Variants in NWD2 observed in about 807,000 individuals in gnomAD.
The protein encoded by NWD2 is NACHT and WD repeat domain-containing protein 2.
A neutral mutation model predicts 132.7 loss-of-function variants in NWD2; 37 were observed. The ratio of observed to expected loss-of-function variants is 0.28; its 90% CI spans 0.21 to 0.37. NWD2 has a LOEUF of 0.37. Ranked by LOEUF, NWD2 falls within the 10% of genes least tolerant of loss-of-function variation. NWD2 has a pLI of 1.00. For missense variants in NWD2, 1,592 were observed against 2,122.4 expected, an observed-to-expected ratio of 0.75 and a Z score of 4.91; for synonymous variants, 705 against 803.0, an observed-to-expected ratio of 0.88 and a Z score of 2.06.
At chr4:37,388,571 T>C (rs971777330) in intron 3 of NWD2, among the ~76,000 whole-genome samples, 2 of 151,022 alleles carry the variant, frequency 1.3e-5, no homozygotes, top group East Asian at 1.9e-4. Context: ...GTGGAAAATA[T>C]ATATTTTTAT....
intron 3 of NWD2, among the ~76,000 whole-genome samples, chr4:37,373,600 T>C (rs1433623073): frequency 2.0e-5 from 3 of 152,240 alleles, no homozygotes; most frequent in African/African-American, 7.2e-5. Context: ...GCCTCATCAC[T>C]GGAAATGTTT....
chr4:37,252,827 TG>T (rs1717405567), intron 1 of NWD2, among the ~76,000 whole-genome samples: 1 of 152,238 alleles, frequency 6.6e-6, no homozygotes, highest in Non-Finnish European at 1.5e-5. Context: ...TCTTAAGGCC[TG>T]GGCTTGGAAG....
intron 4 of NWD2, 77 bp from the exon 5 acceptor site, chr4:37,433,799 T>C (rs925498343): frequency 8.2e-7 from 1 of 1,217,166 alleles, no homozygotes; most frequent in African/African-American, 1.5e-5. Flanking sequence ...CTTCAAATAA[T>C]AGAAATTTTC....
chr4:37,280,373 A>G lies in NWD2; in HGVS notation c.151+35155A>G, dbSNP rs140797087. 2.3e-3 allele frequency among the ~76,000 whole-genome samples: 343 copies of G among 152,240 alleles called. 2 individuals carry two copies. Among genetic ancestry groups the G allele is most frequent in the African/African-American group, 7.7e-3 (320 of 41,552 alleles). On this transcript the variant is annotated intron_variant, in intron 1 of 6. Transcript: ENST00000309447. ...GTTACAAGGTGGGAACCAGCCCTGC[A>G]CTGGAGGTCATCCCATGGCAGGATG...
chr4:37,387,595 G>C (rs1340113353), intron 3 of NWD2, among the ~76,000 whole-genome samples: 1 of 150,750 alleles, frequency 6.6e-6, no homozygotes, highest in Non-Finnish European at 1.5e-5. Context: ...GCCTCCCCTA[G>C]AGATTCCTCA....
chr4:37,299,300 G>A (rs1477786238), intron 1 of NWD2, among the ~76,000 whole-genome samples: 1 of 152,086 alleles, frequency 6.6e-6, no homozygotes, highest in African/African-American at 2.4e-5. Context: ...AAGACCATCA[G>A]TAATTTGATC....
intron 2 of NWD2, among the ~76,000 whole-genome samples, chr4:37,338,727 A>G (rs1719461285): frequency 6.6e-6 from 1 of 152,204 alleles, no homozygotes; most frequent in African/African-American, 2.4e-5. Flanking sequence ...GTCTGTTGTC[A>G]GTTGTAACAC....
intron 2 of NWD2, among the ~76,000 whole-genome samples, chr4:37,346,300 C>T (rs1164894870): frequency 1.3e-5 from 2 of 152,126 alleles, no homozygotes; most frequent in Non-Finnish European, 2.9e-5. Flanking sequence ...TTTTAGTACC[C>T]TTATTGAAAA....
chr4:37,361,748 C>T (rs566218778), intron 3 of NWD2, among the ~76,000 whole-genome samples: 5 of 152,158 alleles, frequency 3.3e-5, no homozygotes, highest in Admixed American at 6.5e-5. Flanking sequence ...AAGCATTCCC[C>T]TTGAGGACTG....
intron 3 of NWD2, among the ~76,000 whole-genome samples, chr4:37,427,282 A>G (rs1712033491): frequency 1.3e-5 from 2 of 152,332 alleles, no homozygotes; most frequent in South Asian, 4.1e-4. Flanking sequence ...TTAGTGGCAC[A>G]CAACCCTGAC....
chr4:37,336,834 G>A (rs1057448701), intron 2 of NWD2, among the ~76,000 whole-genome samples: 12 of 151,608 alleles, frequency 7.9e-5, no homozygotes, highest in African/African-American at 2.7e-4. Context: ...AGCTACTCGG[G>A]AGGCTGAGGC....
chr4:37,270,710 T>A (rs537926177), intron 1 of NWD2, among the ~76,000 whole-genome samples: 1 of 152,006 alleles, frequency 6.6e-6, no homozygotes, highest in South Asian at 2.1e-4. Flanking sequence ...CACAGTCTGG[T>A]ACATATCCCT....
chr4:37,438,589 A>T (rs796987591), intron 5 of NWD2, among the ~76,000 whole-genome samples: 3 of 152,192 alleles, frequency 2.0e-5, no homozygotes, highest in South Asian at 4.1e-4. Context: ...TTGGGGAGAA[A>T]ATTAGATAAT....
chr4:37,251,266 C>T (rs901525658), intron 1 of NWD2, among the ~76,000 whole-genome samples: 3 of 152,194 alleles, frequency 2.0e-5, no homozygotes, highest in African/African-American at 7.2e-5. Context: ...GTGACAGAGA[C>T]TCCATCTCAA....
In NWD2 at chr4:37,447,484, G is replaced by A; in HGVS notation, c.*267G>A. The A allele has an allele frequency of 4.3e-6, 2 of 463,526 alleles. No homozygotes were observed. The highest frequency in any genetic ancestry group is 5.2e-5 in the South Asian group (2 of 38,766). The allele number at this position is 463,526 out of a possible 1,614,324, so 28.7% of individuals were successfully genotyped here. On this transcript the variant is annotated 3_prime_UTR_variant, in exon 7 of 7. Transcript: ENST00000309447. ...GCAGAGGCTAAAAGTTTTTAAATTA[G>A]CTGTGTGGTGAGGCAGCATAATACA...
At chr4:37,420,382 G>T (rs114218281) in intron 3 of NWD2, among the ~76,000 whole-genome samples, 2,285 of 152,260 alleles carry the variant, frequency 0.015, 58 homozygotes, top group African/African-American at 0.052. Flanking sequence ...GTATCTGACT[G>T]CTCTCCTAGG....
chr4:37,387,898 T>C (rs1055523091), intron 3 of NWD2, among the ~76,000 whole-genome samples: 1 of 151,746 alleles, frequency 6.6e-6, no homozygotes, highest in African/African-American at 2.4e-5. Flanking sequence ...GGTCTTGAGC[T>C]CCTGACCTCA....
intron 1 of NWD2, among the ~76,000 whole-genome samples, chr4:37,253,976 A>C (rs1336090744): frequency 6.6e-6 from 1 of 152,206 alleles, no homozygotes; most frequent in Non-Finnish European, 1.5e-5. Flanking sequence ...GCATGTTCTA[A>C]CTTATAAATG....
chr4:37,358,727 T>C (rs1719918957), intron 3 of NWD2, among the ~76,000 whole-genome samples: 1 of 152,204 alleles, frequency 6.6e-6, no homozygotes, highest in Admixed American at 6.5e-5. Context: ...GGCAGTTTTA[T>C]AGTATTTCAC....
Sources: gnomAD v4.1 joint callset for allele counts (sites outside exome capture counted in the v4.1 genomes callset) on GRCh38, gnomAD v4.1.1 for gene constraint, MANE v1.5 for transcripts, NCBI Gene and HGNC (gene_info 2026-07-23, HGNC 2026-07-21) for gene names.